ANXA2: variants seen among roughly 807,000 people sequenced by gnomAD.
The protein encoded by ANXA2 is annexin A2, also known as annexin II.
Under a neutral mutation model 47.3 loss-of-function variants are expected in ANXA2, and 28 were observed. The ratio of observed to expected loss-of-function variants is 0.59; its 90% confidence interval spans 0.44 to 0.81. The LOEUF (loss-of-function observed/expected upper bound fraction) is 0.81. Ranked by LOEUF, ANXA2 falls within the 40% of genes least tolerant of loss-of-function variation. ANXA2 has a pLI of 0.00. For synonymous variants in ANXA2, 172 were observed against 155.5 expected (o/e 1.11, Z -0.79); for missense variants, 384 against 414.3 (o/e 0.93, Z 0.64).
chr15:60,389,024 A>G (rs1324681281), intron 1 of ANXA2, among the ~76,000 whole-genome samples: 2 of 152,074 alleles, frequency 1.3e-5, no homozygotes, highest in Non-Finnish European at 2.9e-5. Flanking sequence ...GGGTCTCATC[A>G]GTATCCCTCA....
intron 3 of ANXA2, among the ~76,000 whole-genome samples, chr15:60,367,046 A>G (rs1595681716): frequency 3.8e-5 from 2 of 52,958 alleles, no homozygotes; most frequent in African/African-American, 9.0e-5. Flanking sequence ...CCGCCCGGCC[A>G]GCCGCCCCGT....
chr15:60,388,227 T>C (rs2140927339), intron 1 of ANXA2, among the ~76,000 whole-genome samples: 1 of 152,152 alleles, frequency 6.6e-6, no homozygotes, highest in East Asian at 1.9e-4. Flanking sequence ...TCTTGCTCTG[T>C]AGCAGAACCG....
chr15:60,391,928 T>C (rs2063016930), intron 1 of ANXA2, among the ~76,000 whole-genome samples: 1 of 152,100 alleles, frequency 6.6e-6, no homozygotes, highest in South Asian at 2.1e-4. Context: ...AAATTCAATC[T>C]GTTGATGAGT....
intron 11 of ANXA2, among the ~76,000 whole-genome samples, chr15:60,349,741 A>G (rs565250731): frequency 6.7e-6 from 1 of 149,712 alleles, no homozygotes; most frequent in South Asian, 2.2e-4. Flanking sequence ...AGAGAGAGAG[A>G]GAAAGAAAGA....
intron 1 of ANXA2, among the ~76,000 whole-genome samples, chr15:60,392,392 G>C (rs1449585114): frequency 4.7e-5 from 5 of 106,134 alleles, no homozygotes; most frequent in South Asian, 9.6e-4. Flanking sequence ...AATAATTTAA[G>C]GGTTTGTCCT....
chr15:60,353,834 T>C (rs1214658235), intron 8 of ANXA2, among the ~76,000 whole-genome samples: 1 of 152,174 alleles, frequency 6.6e-6, no homozygotes, highest in African/African-American at 2.4e-5. Context: ...GAGGCATATG[T>C]GGAGCGATTC....
intron 3 of ANXA2, among the ~76,000 whole-genome samples, chr15:60,372,882 G>T (rs2062729111): frequency 6.6e-6 from 1 of 151,570 alleles, no homozygotes; most frequent in African/African-American, 2.4e-5. Context: ...TATTTTTAGG[G>T]ATGAGGTCTC....
intron 1 of ANXA2, among the ~76,000 whole-genome samples, chr15:60,394,881 C>T (rs1017887930): frequency 6.6e-6 from 1 of 151,962 alleles, no homozygotes; most frequent in African/African-American, 2.4e-5. Context: ...AAAAAAGATA[C>T]CAGGCAGTGA....
chr15:60,385,877 A>C, intron 2 of ANXA2, 151 bp downstream of exon 2: 6 of 538,974 alleles, frequency 1.1e-5, no homozygotes, highest in Non-Finnish European at 9.8e-6. Flanking sequence ...ACTACTAGGA[A>C]CAGCTGAAGT....
chr15:60,393,551 A>G, intron 1 of ANXA2: 1 of 985,628 alleles, frequency 1.0e-6, no homozygotes, highest in South Asian at 4.7e-5. Flanking sequence ...CATCCTGCAC[A>G]GAAGAGTTAA....
At chr15:60,347,746 C>G in intron 12 of ANXA2, 57 bp from the exon 13 acceptor site, 1 of 1,460,454 alleles carries the variant, frequency 6.8e-7, no homozygotes, top group South Asian at 1.1e-5. Context: ...CCAGACTCCT[C>G]AATAACACAG....
rs370181111 is a variant in ANXA2 at position 60,361,004 on chromosome 15, C to T, written c.294G>A (p.Val98=). Residue 98 remains valine (V), a synonymous_variant, in exon 5 of 13, where the codon GTG becomes GTA. Coordinates refer to ENST00000451270, the MANE Select transcript of ANXA2 (RefSeq NM_004039.3). ...CAGGTGTCTTCAATAGGCCCAAAAT[C>T]ACCGTCTCCAGGTGGCCAGATAAGG... ...KSALSGHLET[V]ILGLLKTPAQ... 7.4e-6 allele frequency: 12 copies of T among 1,614,088 alleles called. No individual in the cohort carries two copies. The highest frequency in any genetic ancestry group is 6.8e-6 in the Non-Finnish European group (8 of 1,179,940).
intron 1 of ANXA2, chr15:60,390,487 CAAG>C (rs1258086137): frequency 3.9e-6 from 2 of 507,580 alleles, no homozygotes; most frequent in East Asian, 1.1e-4. Flanking sequence ...GGCGTTATGA[CAAG>C]AAGCAGAGTG....
At chr15:60,389,748 A>T (rs567782400) in intron 1 of ANXA2, among the ~76,000 whole-genome samples, 2 of 152,276 alleles carry the variant, frequency 1.3e-5, no homozygotes, top group African/African-American at 4.8e-5. Context: ...AGAATCCTGT[A>T]AACAGTAAAC....
At position 60,352,615 on chromosome 15, in the gene ANXA2, G is replaced by A; in HGVS notation, c.589-139C>T. On this transcript the variant is annotated intron_variant, in intron 8 of 12. Coordinates refer to ENST00000451270, the MANE Select transcript of ANXA2 (RefSeq NM_004039.3). This position sits in a 1 kb window ranked among gnomAD's most constrained non-coding sequence, Gnocchi z 4.2. ...GATGATTATACTGCAGACATGGGCA[G>A]AGACCTACTATTTAGGTCAAAAGTC... The A allele has an allele frequency of 9.1e-6, 6 of 662,146 alleles. No homozygotes were observed. The South Asian group carries it at 1.1e-4, about 13-fold the overall frequency. 41.0% of individuals were successfully genotyped at this position (662,146 alleles called of 1,614,324 possible).
At chr15:60,372,041 C>T (rs1473688770) in intron 3 of ANXA2, among the ~76,000 whole-genome samples, 3 of 152,096 alleles carry the variant, frequency 2.0e-5, no homozygotes, top group African/African-American at 7.2e-5. Context: ...CCCAGCTACT[C>T]GGGAGGCTGA....
chr15:60,357,713 G>C (rs926693298), intron 5 of ANXA2, among the ~76,000 whole-genome samples: 1 of 151,672 alleles, frequency 6.6e-6, no homozygotes, highest in East Asian at 1.9e-4. Flanking sequence ...AGAATGGCGT[G>C]AACCTGGGAG....
chr15:60,368,295 C>A (rs7172431), intron 3 of ANXA2, among the ~76,000 whole-genome samples: 1 of 76,984 alleles, frequency 1.3e-5, no homozygotes, highest in South Asian at 4.9e-4. Context: ...GAGAAACACC[C>A]AAGAATGATC....
Position 60,352,062 on chromosome 15 carries a change from T to C in ANXA2, c.683-243A>G, listed in dbSNP as rs568650065. Among the ~76,000 whole-genome samples, 1 of 152,252 alleles carries C rather than the reference T, an allele frequency of 6.6e-6. No homozygotes were observed. The highest frequency in any genetic ancestry group is 2.1e-4 in the South Asian group (1 of 4,822). On this transcript the variant is annotated intron_variant, in intron 9 of 12. Coordinates refer to ENST00000451270, the MANE Select transcript of ANXA2 (RefSeq NM_004039.3). The surrounding 1 kb of genome is among the most constrained non-coding windows in gnomAD (Gnocchi z 4.2). ...ATATTTGGACCATCTCTATCTCCCC[T>C]GAGTGGAACCCATTCCATCCGAAAA...
Sources: gnomAD v4.1 joint callset for allele counts (sites outside exome capture counted in the v4.1 genomes callset) on GRCh38, gnomAD v4.1.1 for gene constraint, Gnocchi (gnomAD v3.1) non-coding constraint, MANE v1.5 for transcripts, NCBI Gene and HGNC (gene_info 2026-07-23, HGNC 2026-07-21) for gene names.